The following RIMS2 variants were observed in gnomAD, a reference collection of about 807,000 sequenced individuals.
RIMS2 encodes the protein regulating synaptic membrane exocytosis protein 2.
Under a neutral mutation model 174.4 loss-of-function variants are expected in RIMS2, and 59 were observed. The observed-to-expected ratio is 0.34, with a 90% confidence interval of 0.27 to 0.42. RIMS2 has a LOEUF of 0.42. Among genes scored for constraint, RIMS2 ranks in the 10% least tolerant of loss-of-function variants. The pLI, the probability that RIMS2 is intolerant of heterozygous loss-of-function variation, is 1.00. For missense variants in RIMS2, 1,620 were observed against 1,666.3 expected (o/e 0.97, Z 0.48); for synonymous variants, 606 against 572.5 (o/e 1.06, Z -0.84).
At position 103,645,498 on chromosome 8, in the gene RIMS2, A is replaced by G. The variant is rs114164128; in HGVS notation, c.177-51588A>G. The stretch of plus-strand genomic sequence containing the variant: ...GAGAATTTAATTTACAGTGTTAGGT[A>G]TAGCCTTGTAATGAAAGTCTAGGAT... On this transcript the variant is annotated intron_variant, in intron 1 of 23. Coordinates refer to ENST00000504942, the Ensembl canonical transcript of RIMS2. Among the ~76,000 whole-genome samples, 1,258 of 152,278 alleles carry G rather than the reference A, an allele frequency of 8.3e-3. 20 individuals carry two copies. Among genetic ancestry groups the G allele is most frequent in the African/African-American group, 0.029 (1,204 of 41,556 alleles).
At chr8:103,642,781 G>A (rs551843280) in intron 1 of RIMS2, among the ~76,000 whole-genome samples, 1 of 151,888 alleles carries the variant, frequency 6.6e-6, no homozygotes, top group African/African-American at 2.4e-5. Flanking sequence ...GAAGTCTGAT[G>A]TAATTCTTAT....
intron 2 of RIMS2, among the ~76,000 whole-genome samples, chr8:103,733,724 A>G (rs1163666702): frequency 6.6e-6 from 1 of 152,096 alleles, no homozygotes; most frequent in Non-Finnish European, 1.5e-5. Flanking sequence ...TAAGTCGCAT[A>G]ATCACTGTTC....
intron 3 of RIMS2, among the ~76,000 whole-genome samples, chr8:103,831,713 C>T (rs1358669242): frequency 6.6e-6 from 1 of 152,072 alleles, no homozygotes; most frequent in Non-Finnish European, 1.5e-5. Flanking sequence ...TCTTTTCAAA[C>T]CCTGCAAGGT....
At chr8:103,995,301 T>C (rs2095015719) in intron 17 of RIMS2, among the ~76,000 whole-genome samples, 1 of 152,114 alleles carries the variant, frequency 6.6e-6, no homozygotes, top group Non-Finnish European at 1.5e-5. Context: ...GCCAGACAAA[T>C]TATCCTATAT....
chr8:103,803,825 T>A (rs1188245253), intron 3 of RIMS2, among the ~76,000 whole-genome samples: 1 of 152,174 alleles, frequency 6.6e-6, no homozygotes, highest in Non-Finnish European at 1.5e-5. Context: ...TACATCTCTG[T>A]CAGCAGGTGA....
intron 1 of RIMS2, among the ~76,000 whole-genome samples, chr8:103,646,620 G>T (rs1384776050): frequency 1.3e-5 from 2 of 151,976 alleles, no homozygotes; most frequent in Admixed American, 6.6e-5. Flanking sequence ...TCATCATTCA[G>T]CTCCAACTTA....
chr8:103,965,756 T>C (rs2091639792), intron 15 of RIMS2, among the ~76,000 whole-genome samples: 1 of 152,142 alleles, frequency 6.6e-6, no homozygotes, highest in African/African-American at 2.4e-5. Context: ...TTTTAACTGG[T>C]AAATATGATG....
intron 1 of RIMS2, among the ~76,000 whole-genome samples, chr8:103,654,672 T>G (rs370993547): frequency 5.9e-5 from 9 of 152,038 alleles, no homozygotes; most frequent in African/African-American, 2.2e-4. Flanking sequence ...TTACTCTCTA[T>G]TCGGATTTAT....
At chr8:103,815,130 A>G (rs2098711126) in intron 3 of RIMS2, among the ~76,000 whole-genome samples, 2 of 152,202 alleles carry the variant, frequency 1.3e-5, no homozygotes, top group African/African-American at 4.8e-5. Flanking sequence ...AATCAATATT[A>G]TCATTTTGGT....
intron 2 of RIMS2, among the ~76,000 whole-genome samples, chr8:103,698,012 G>A (rs1431328687): frequency 1.3e-5 from 2 of 152,078 alleles, no homozygotes; most frequent in East Asian, 1.9e-4. Context: ...TTTAGACTTT[G>A]CATTTATCTA....
intron 14 of RIMS2, among the ~76,000 whole-genome samples, chr8:103,950,527 A>T (rs2085106431): frequency 6.6e-6 from 1 of 152,154 alleles, no homozygotes; most frequent in Admixed American, 6.5e-5. Context: ...AAAAAGAAAA[A>T]AATTATATCA....
At chr8:104,186,606 A>G (rs1342340311) in intron 19 of RIMS2, among the ~76,000 whole-genome samples, 1 of 151,656 alleles carries the variant, frequency 6.6e-6, no homozygotes, top group African/African-American at 2.4e-5. Flanking sequence ...TCATTCTCAG[A>G]ACTCCAGAGG....
chr8:104,083,443 G>A (rs1244762708), intron 19 of RIMS2, among the ~76,000 whole-genome samples: 4 of 152,064 alleles, frequency 2.6e-5, no homozygotes, highest in Non-Finnish European at 4.4e-5. Context: ...CATGATATCT[G>A]TAATTTCTAT....
intron 16 of RIMS2, among the ~76,000 whole-genome samples, chr8:103,978,296 A>G (rs1234727740): frequency 6.6e-6 from 1 of 152,258 alleles, no homozygotes; most frequent in Non-Finnish European, 1.5e-5. Context: ...AGGGGCTCAA[A>G]CATAAAATGT....
rs1353212384 is a variant in RIMS2 at position 104,093,756 on chromosome 8, AG to A, written c.3334+79145del. ...ACAGGTTAATATATATTTTAAAGCC[AG>A]GGGAGCTTAACTTCAGTACATACTA... On this transcript the variant is annotated intron_variant, in intron 19 of 23. Transcript: ENST00000504942. 8.9e-6 allele frequency: 7 copies of A among 790,466 alleles called. No homozygotes were observed. In the Admixed American group the frequency reaches 1.3e-4, roughly 15 times the overall value. 49.0% of individuals were successfully genotyped at this position (790,466 alleles called of 1,614,324 possible).
intron 1 of RIMS2, among the ~76,000 whole-genome samples, chr8:103,571,026 A>T (rs1440513601): frequency 6.6e-6 from 1 of 152,128 alleles, no homozygotes; most frequent in Non-Finnish European, 1.5e-5. Flanking sequence ...TGGTCTACTT[A>T]TAATTTTTCC....
intron 3 of RIMS2, among the ~76,000 whole-genome samples, chr8:103,877,437 T>C (rs1055650376): frequency 5.3e-5 from 8 of 152,068 alleles, no homozygotes; most frequent in Non-Finnish European, 7.4e-5. Flanking sequence ...TCCTTGTAGA[T>C]TCTGGTTATT....
chr8:104,115,130 A>G (rs1358375858), intron 19 of RIMS2, among the ~76,000 whole-genome samples: 6 of 152,142 alleles, frequency 3.9e-5, no homozygotes, highest in African/African-American at 1.4e-4. Context: ...TGAAATGTTA[A>G]TAATGTTGAT....
At chr8:104,251,825 T>C (rs745917345) in exon 24 of RIMS2, 2 of 1,513,670 alleles carry the variant, frequency 1.3e-6, no homozygotes, top group East Asian at 2.4e-5. Flanking sequence ...TCATAGCAGC[T>C]GTAAAAAAAT....
Sources: gnomAD v4.1 joint callset for allele counts (sites outside exome capture counted in the v4.1 genomes callset) on GRCh38, gnomAD v4.1.1 for gene constraint, MANE v1.5 for transcripts, NCBI Gene and HGNC (gene_info 2026-07-23, HGNC 2026-07-21) for gene names.